SCML2: variants seen among roughly 807,000 people sequenced by gnomAD.
SCML2 encodes Scm polycomb group protein like 2.
Under a neutral mutation model 48.4 loss-of-function variants are expected in SCML2, and 6 were observed. The observed-to-expected ratio is 0.12, with a 90% confidence interval of 0.07 to 0.24. The LOEUF (loss-of-function observed/expected upper bound fraction) is 0.24, where lower values mean the gene tolerates loss of function less well. Among genes scored for constraint, SCML2 ranks in the 10% least tolerant of loss-of-function variants. The pLI is 1.00. For synonymous variants in SCML2, 181 were observed against 189.5 expected (o/e 0.95, Z 0.37); for missense variants, 377 against 528.2 (o/e 0.71, Z 2.81).
chrX:18,335,475 C>A (rs1929782159), intron 1 of SCML2, among the ~76,000 whole-genome samples: 1 of 110,836 alleles, frequency 9.0e-6, no homozygotes, highest in Non-Finnish European at 1.9e-5. Context: ...CTGTACTCCA[C>A]CCTGGGAGTC....
At chrX:18,336,045 G>A (rs1008661758) in intron 1 of SCML2, among the ~76,000 whole-genome samples, 2 of 112,182 alleles carry the variant, frequency 1.8e-5, no homozygotes, top group Admixed American at 9.5e-5. Flanking sequence ...TAGATCAGTG[G>A]AAACAGGCTA....
At chrX:18,309,919 CTAAAA>C (rs1467181657) in intron 6 of SCML2, among the ~76,000 whole-genome samples, 2 of 110,900 alleles carry the variant, frequency 1.8e-5, no homozygotes, top group Non-Finnish European at 3.8e-5. Context: ...CCCCATGTAC[CTAAAA>C]TAAAAGTTGG....
rs183645727 is a variant in SCML2, at chrX:18,280,364, T to C, written c.731-14562A>G. On this transcript the variant is annotated intron_variant, in intron 7 of 14. Coordinates refer to ENST00000251900, the MANE Select transcript of SCML2 (RefSeq NM_006089.3). ...GCCTTACAAGAGATCCTTAAGGGAG[T>C]GTGAAACATGAAATTGAAAGAATGA... Among the ~76,000 whole-genome samples, 33 of 111,147 alleles carry C rather than the reference T, an allele frequency of 3.0e-4. 2 individuals carry two copies. The Admixed American group carries it at 3.1e-3, about 10-fold the overall frequency.
chrX:18,262,337 CTTTTTTTTTTT>C (rs780523423), intron 8 of SCML2, among the ~76,000 whole-genome samples: 1 of 78,470 alleles, frequency 1.3e-5, no homozygotes, highest in African/African-American at 5.5e-5. Context: ...CTGGGTCTAC[CTTTTTTTTTTT>C]TTTTTTTTTT....
intron 6 of SCML2, among the ~76,000 whole-genome samples, chrX:18,319,243 T>C (rs1345538996): frequency 1.8e-5 from 2 of 110,547 alleles, no homozygotes; most frequent in Non-Finnish European, 3.8e-5. Flanking sequence ...ACACAAAAAT[T>C]AGCCTGGTGT....
At chrX:18,328,345 T>C (rs1271622877) in intron 3 of SCML2, among the ~76,000 whole-genome samples, 1 of 111,290 alleles carries the variant, frequency 9.0e-6, no homozygotes, top group African/African-American at 3.3e-5. Flanking sequence ...CAATTAGGCA[T>C]CTGTTAATTT....
At chrX:18,328,052 T>C (rs1929540904) in intron 3 of SCML2, among the ~76,000 whole-genome samples, 2 of 111,751 alleles carry the variant, frequency 1.8e-5, no homozygotes, top group Non-Finnish European at 3.8e-5. Flanking sequence ...TGATTTTATA[T>C]ATATATCTCC....
intron 7 of SCML2, among the ~76,000 whole-genome samples, chrX:18,287,717 T>C (rs1192904674): frequency 8.9e-6 from 1 of 111,887 alleles, no homozygotes; most frequent in African/African-American, 3.2e-5. Flanking sequence ...CCCTGTTATA[T>C]AATTATATCC....
At chrX:18,247,930 T>C (rs1275498206) in intron 11 of SCML2, 48 bp from the exon 12 acceptor site, 5 of 851,570 alleles carry the variant, frequency 5.9e-6, no homozygotes, top group African/African-American at 2.0e-5. Flanking sequence ...ACTAATATAC[T>C]CAAGCATTTT....
chrX:18,338,931 A>G (rs945592520), intron 1 of SCML2, among the ~76,000 whole-genome samples: 3 of 97,818 alleles, frequency 3.1e-5, no homozygotes, highest in South Asian at 4.8e-4. Context: ...AAAAAAAAAA[A>G]AAAGAAAGAA....
intron 6 of SCML2, among the ~76,000 whole-genome samples, chrX:18,305,512 T>C (rs113237871): frequency 6.3e-5 from 7 of 111,834 alleles, no homozygotes; most frequent in African/African-American, 1.9e-4. Flanking sequence ...TTAAGATTCA[T>C]TGATGAACAA....
chrX:18,298,528 A>C lies in SCML2; in HGVS notation c.730+6444T>G, dbSNP rs745792619. ...TGGGACACGGACACCGTTTTCAATAAACAGTGCTAGGAAAACTGGATATCC... is the reference window on the plus strand; with the variant it reads ...TGGGACACGGACACCGTTTTCAATACACAGTGCTAGGAAAACTGGATATCC... On this transcript the variant is annotated intron_variant, in intron 7 of 14. Coordinates refer to ENST00000251900, the MANE Select transcript of SCML2 (RefSeq NM_006089.3). 7.7e-4 allele frequency among the ~76,000 whole-genome samples: 87 copies of C among 112,580 alleles called. 1 individual carries two copies. Among genetic ancestry groups the C allele is most frequent in the African/African-American group, 2.8e-3 (86 of 31,044 alleles).
intron 8 of SCML2, among the ~76,000 whole-genome samples, chrX:18,262,888 G>T (rs1465047400): frequency 1.9e-5 from 2 of 106,873 alleles, no homozygotes; most frequent in East Asian, 5.9e-4. Flanking sequence ...GCTAATTTGT[G>T]TATTTTGTGT....
intron 6 of SCML2, among the ~76,000 whole-genome samples, chrX:18,318,263 G>A (rs970237519): frequency 8.9e-6 from 1 of 112,782 alleles, no homozygotes; most frequent in East Asian, 2.8e-4. Context: ...ACTCAGAGGC[G>A]TACCCACAGA....
In SCML2 at chrX:18,304,975, T is replaced by A. The variant is rs989329696; in HGVS notation, c.727A>T (p.Ser243Cys). 1.1e-5 allele frequency: 13 copies of A among 1,202,595 alleles called. No homozygotes were observed. The highest frequency in any genetic ancestry group is 1.3e-5 in the Non-Finnish European group (12 of 892,808). Reference sequence around the variant, plus strand: ...AAGTAGTTAATTATTATCTTACCACTAGTTCCTGGGGGTTGTAATACATCT... The same window carrying A: ...AAGTAGTTAATTATTATCTTACCACAAGTTCCTGGGGGTTGTAATACATCT... ...TGDVLQPPGT[S>C]VPIVKNIAKT... The change falls in exon 7 of 15, where the codon AGT becomes TGT. Residue 243 changes from serine (S) to cysteine (C), a missense_variant. Coordinates refer to ENST00000251900, the MANE Select transcript of SCML2 (RefSeq NM_006089.3).
chrX:18,265,356 A>T (rs1376781609), intron 8 of SCML2, among the ~76,000 whole-genome samples: 1 of 112,417 alleles, frequency 8.9e-6, no homozygotes, highest in Non-Finnish European at 1.9e-5. Context: ...TATTAATAGT[A>T]CTTTCATTGT....
chrX:18,354,911 CA>C (rs774457584), upstream of SCML2, among the ~76,000 whole-genome samples: 3 of 112,186 alleles, frequency 2.7e-5, no homozygotes, highest in Non-Finnish European at 5.6e-5. Flanking sequence ...ACGCCTACGC[CA>C]AATGAAAAAC....
intron 6 of SCML2, among the ~76,000 whole-genome samples, chrX:18,310,291 G>A (rs1157047717): frequency 1.3e-5 from 1 of 76,429 alleles, no homozygotes; most frequent in African/African-American, 5.4e-5. Flanking sequence ...TTTTTGAGAC[G>A]GTCTCTCTCT....
intron 6 of SCML2, among the ~76,000 whole-genome samples, chrX:18,312,680 C>G (rs1387616116): frequency 9.1e-6 from 1 of 109,715 alleles, no homozygotes; most frequent in African/African-American, 3.3e-5. Context: ...GAAACAATTA[C>G]CAAGGTTTGA....
Sources: allele counts gnomAD v4.1 joint callset (sites outside exome capture counted in the v4.1 genomes callset), GRCh38; gene constraint gnomAD v4.1.1; transcripts MANE v1.5; gene names NCBI Gene and HGNC (gene_info 2026-07-23, HGNC 2026-07-21).